The following CYFIP2 variants were observed in gnomAD, a reference collection of about 807,000 sequenced individuals.
CYFIP2 encodes the protein cytoplasmic FMR1-interacting protein 2.
A neutral mutation model predicts 158.7 loss-of-function variants in CYFIP2; 29 were observed. The ratio of observed to expected loss-of-function variants is 0.18; its 90% CI spans 0.14 to 0.25. CYFIP2 has a LOEUF of 0.25. CYFIP2 is among the 10% of genes least tolerant of loss of function. The pLI is 1.00. For synonymous variants in CYFIP2, 585 were observed against 617.6 expected, an observed-to-expected ratio of 0.95 and a Z score of 0.78; for missense variants, 852 against 1,639.5, an observed-to-expected ratio of 0.52 and a Z score of 8.29.
intron 18 of CYFIP2, among the ~76,000 whole-genome samples, chr5:157,326,570 G>A (rs1204541280): frequency 1.3e-5 from 2 of 152,186 alleles, no homozygotes; most frequent in Non-Finnish European, 2.9e-5. Context: ...AAAAACAGTG[G>A]CCCTTGGCTA....
intron 16 of CYFIP2, 115 bp downstream of exon 16, chr5:157,324,189 C>A: frequency 1.7e-6 from 2 of 1,201,776 alleles, no homozygotes; most frequent in Non-Finnish European, 2.2e-6. Flanking sequence ...CCCTAAGGGG[C>A]ACATATCACC....
Position 157,354,304 on chromosome 5 carries a change from T to C in CYFIP2, c.2674-4701T>C, listed in dbSNP as rs543925466. Among the ~76,000 whole-genome samples the C allele has an allele frequency of 4.6e-5, 7 of 152,324 alleles. No homozygotes were observed. The South Asian group carries it at 8.3e-4, about 18-fold the overall frequency. ...AACCAGGCAGGATACATAATTAGTT[T>C]CCTATGAGGCCCATTGATTGGAACC... On this transcript the variant is annotated intron_variant, in intron 23 of 30. Transcript: ENST00000620254.
At chr5:157,297,162 G>A (rs1180373180) in intron 5 of CYFIP2, among the ~76,000 whole-genome samples, 3 of 152,244 alleles carry the variant, frequency 2.0e-5, no homozygotes, top group Non-Finnish European at 4.4e-5. Flanking sequence ...AGAGGCTGAC[G>A]TGTGATGACC....
intron 1 of CYFIP2, among the ~76,000 whole-genome samples, chr5:157,285,024 T>C (rs983771356): frequency 6.6e-6 from 1 of 152,198 alleles, no homozygotes; most frequent in African/African-American, 2.4e-5. Context: ...CACGTGACTG[T>C]GTGGGCATCA....
chr5:157,268,055 T>A (rs1322423632), intron 1 of CYFIP2, among the ~76,000 whole-genome samples: 1 of 152,264 alleles, frequency 6.6e-6, no homozygotes, highest in Non-Finnish European at 1.5e-5. Context: ...TACACAGGGT[T>A]CCTCGTTGGC....
At chr5:157,369,544 A>G (rs1027419875) in intron 26 of CYFIP2, among the ~76,000 whole-genome samples, 9 of 152,180 alleles carry the variant, frequency 5.9e-5, no homozygotes, top group African/African-American at 1.4e-4. Flanking sequence ...CCACCATTTG[A>G]GACAGAGGCA....
chr5:157,304,516 T>G, intron 8 of CYFIP2, 150 bp downstream of exon 8: 1 of 852,946 alleles, frequency 1.2e-6, no homozygotes, highest in East Asian at 2.7e-5. Flanking sequence ...CCTGTTCCTT[T>G]CCTGTAATAT....
intron 8 of CYFIP2, 24 bp from the exon 9 acceptor site, chr5:157,307,737 T>A (rs778496608): frequency 1.0e-5 from 15 of 1,488,060 alleles, no homozygotes; most frequent in Non-Finnish European, 1.4e-5. Context: ...TTAGTTTCTA[T>A]GCTCTGCCCT....
chr5:157,323,932 G>A lies in CYFIP2; in HGVS notation c.1683G>A (p.Val561=), dbSNP rs1259583599. 1.9e-6 allele frequency: 3 copies of A among 1,588,038 alleles called. No individual in the cohort carries two copies. Among genetic ancestry groups the A allele is most frequent in the South Asian group, 1.1e-5 (1 of 87,608 alleles). The change falls in exon 16 of 31, where the codon GTG becomes GTA. Residue 561 remains valine, a synonymous_variant. Coordinates refer to ENST00000620254, the MANE Select transcript of CYFIP2 (RefSeq NM_001037333.3). The part of the protein sequence containing the change: ...VGPSSTQLYM[V]RTMLESLIAD... The stretch of plus-strand genomic sequence containing the variant: ...CTTTCTTTTTCAAGCTGTACATGGT[G>A]CGGACCATGCTTGAATCACTCATTG...
chr5:157,392,797 TCCTGC>T, intron 30 of CYFIP2, 31 bp from the exon 31 acceptor site: 1 of 1,608,114 alleles, frequency 6.2e-7, no homozygotes, highest in Non-Finnish European at 8.5e-7. Context: ...CCCCACTTTG[TCCTGC>T]CCTAACTTGA....
At chr5:157,336,238 AC>A (rs766697786) in intron 21 of CYFIP2, among the ~76,000 whole-genome samples, 1 of 152,130 alleles carries the variant, frequency 6.6e-6, no homozygotes, top group Non-Finnish European at 1.5e-5. Flanking sequence ...GGAGTTAGTC[AC>A]CCTCATTTTA....
chr5:157,318,721 T>C (rs1760350870), intron 13 of CYFIP2, among the ~76,000 whole-genome samples: 1 of 152,244 alleles, frequency 6.6e-6, no homozygotes, highest in South Asian at 2.1e-4. Flanking sequence ...GTGCACAGCA[T>C]AGCTGGGCCC....
In CYFIP2 at chr5:157,305,547, G is replaced by C. The variant is rs573563193; in HGVS notation, c.795+1181G>C. The stretch of plus-strand genomic sequence containing the variant: ...CTTTTCCAAGGTGGAGTCTCATTCT[G>C]TCTCCCAGGCTGGAGTGCAGTGGCA... On this transcript the variant is annotated intron_variant, in intron 8 of 30. Coordinates refer to ENST00000620254, the MANE Select transcript of CYFIP2 (RefSeq NM_001037333.3). 2.0e-3 allele frequency among the ~76,000 whole-genome samples: 307 copies of C among 152,306 alleles called. 1 individual carries two copies. The highest frequency in any genetic ancestry group is 6.8e-3 in the African/African-American group (281 of 41,556).
intron 9 of CYFIP2, among the ~76,000 whole-genome samples, chr5:157,308,422 T>C (rs1759429493): frequency 6.6e-6 from 1 of 152,220 alleles, no homozygotes; most frequent in Non-Finnish European, 1.5e-5. Flanking sequence ...CTCTGAGAGT[T>C]GATCTTTTGG....
At chr5:157,326,070 T>C in intron 17 of CYFIP2, 101 bp from the exon 18 acceptor site, 1 of 912,532 alleles carries the variant, frequency 1.1e-6, no homozygotes. Flanking sequence ...AGATGGTCTT[T>C]TCCTGACTGT....
chr5:157,279,514 C>A (rs180801825), intron 1 of CYFIP2, among the ~76,000 whole-genome samples: 1 of 152,222 alleles, frequency 6.6e-6, no homozygotes, highest in African/African-American at 2.4e-5. Flanking sequence ...GGACCCACCC[C>A]CCTCTTGCTT....
chr5:157,364,845 A>G (rs1055635033), intron 26 of CYFIP2: 8 of 152,326 alleles, frequency 5.3e-5, no homozygotes, highest in African/African-American at 1.7e-4. Flanking sequence ...AAAAAAAGGA[A>G]AGATGCCTAA....
At chr5:157,298,642 G>A (rs1395950232) in intron 5 of CYFIP2, among the ~76,000 whole-genome samples, 4 of 151,738 alleles carry the variant, frequency 2.6e-5, no homozygotes, top group South Asian at 2.1e-4. Context: ...CACCACACCC[G>A]GCCCACAATC....
rs193006771 is a variant in CYFIP2 at position 157,336,337 on chromosome 5, A to G, written c.2386-2720A>G. Among the ~76,000 whole-genome samples, 554 of 152,370 alleles carry G rather than the reference A, an allele frequency of 3.6e-3. 13 individuals carry two copies. Among genetic ancestry groups the G allele is most frequent in the Admixed American group, 0.031 (477 of 15,298 alleles). On this transcript the variant is annotated intron_variant, in intron 21 of 30. Coordinates refer to ENST00000620254, the MANE Select transcript of CYFIP2 (RefSeq NM_001037333.3). The stretch of plus-strand genomic sequence containing the variant: ...AGGCTGTGTTTTGTTTAGGCAGCAT[A>G]GTACATTTGTAATTTTGAGCCAATG...
Sources: allele counts gnomAD v4.1 joint callset (sites outside exome capture counted in the v4.1 genomes callset), GRCh38; gene constraint gnomAD v4.1.1; transcripts MANE v1.5; gene names NCBI Gene and HGNC (gene_info 2026-07-23, HGNC 2026-07-21).